The following SGCD variants were observed in gnomAD, a reference collection of about 807,000 sequenced individuals.
SGCD encodes the protein delta-sarcoglycan.
SGCD carries 18 observed loss-of-function variants against 36.6 expected under a neutral mutation model. The observed-to-expected ratio is 0.49, with a 90% CI of 0.34 to 0.73. The LOEUF (loss-of-function observed/expected upper bound fraction) is 0.73, where lower values mean the gene tolerates loss of function less well. Among genes scored for constraint, SGCD ranks in the 30% least tolerant of loss-of-function variants. The probability of loss-of-function intolerance (pLI) is 0.01; values close to 1 mark genes in which losing one functional copy is unlikely to be tolerated. For missense variants in SGCD, 387 were observed against 346.7 expected, an observed-to-expected ratio of 1.12 and a Z score of -0.92; for synonymous variants, 133 against 130.6, an observed-to-expected ratio of 1.02 and a Z score of -0.12.
At chr5:155,844,153 T>A in the SGCD span, among the ~76,000 whole-genome samples, 2 of 152,262 alleles carry the variant, frequency 1.3e-5, no homozygotes, top group East Asian at 1.9e-4. Context: ...CTCACACTTA[T>A]CTGAAGTTTG....
chr5:156,229,300 A>ATATATAT (rs1477607808), intron 3 of SGCD, among the ~76,000 whole-genome samples: 18 of 126,088 alleles, frequency 1.4e-4, no homozygotes, highest in East Asian at 2.1e-4. Flanking sequence ...ATATATATAT[A>ATATATAT]AAATTAGTTC....
intron 4 of SGCD, among the ~76,000 whole-genome samples, chr5:156,557,272 T>C (rs1002716203): frequency 6.6e-6 from 1 of 152,182 alleles, no homozygotes; most frequent in African/African-American, 2.4e-5. Flanking sequence ...CTTCACAGAA[T>C]GTTTTCTTTC....
the SGCD span, among the ~76,000 whole-genome samples, chr5:155,763,187 A>G: frequency 6.6e-6 from 1 of 152,190 alleles, no homozygotes; most frequent in Non-Finnish European, 1.5e-5. Context: ...TGAAGACATG[A>G]TAGTACTGAA....
At chr5:156,436,111 G>A (rs965668529) in intron 3 of SGCD, among the ~76,000 whole-genome samples, 1 of 152,088 alleles carries the variant, frequency 6.6e-6, no homozygotes, top group Non-Finnish European at 1.5e-5. Context: ...GTCACTCACC[G>A]GGCCACAGTT....
intron 3 of SGCD, among the ~76,000 whole-genome samples, chr5:156,246,073 GA>G (rs1765430740): frequency 6.6e-6 from 1 of 152,078 alleles, no homozygotes; most frequent in Non-Finnish European, 1.5e-5. Context: ...TTTTCAACAT[GA>G]CAAATTTCTA....
At chr5:155,836,475 C>CT in the SGCD span, among the ~76,000 whole-genome samples, 1 of 138,522 alleles carries the variant, frequency 7.2e-6, no homozygotes, top group African/African-American at 2.8e-5. Context: ...TACCCACCCC[C>CT]GCCCCGCACT....
intron 3 of SGCD, among the ~76,000 whole-genome samples, chr5:156,171,466 A>G (rs757521397): frequency 6.6e-6 from 1 of 152,244 alleles, no homozygotes; most frequent in Non-Finnish European, 1.5e-5. Context: ...GACCTGGGTT[A>G]TACTAAATAT....
rs1275403631 is a variant in SGCD, at chr5:156,062,657, T to A, written c.-281-55221T>A. 7.9e-4 allele frequency among the ~76,000 whole-genome samples: 23 copies of A among 29,174 alleles called. 1 individual carries two copies. Among genetic ancestry groups the A allele is most frequent in the African/African-American group, 4.6e-3 (22 of 4,748 alleles). 19.1% of individuals were successfully genotyped at this position (29,174 alleles called of 152,430 possible). ...GTGTGAGATGATATCTCATAGTGGT[T>A]TTGATTTGCATTTCTCTGATGGCCA... On this transcript the variant is annotated intron_variant, in intron 1 of 9. Transcript: ENST00000517913.
rs1561699488 is a variant in SGCD at position 156,444,117 on chromosome 5, C to CT, written c.193-64484_193-64483insT. On this transcript the variant is annotated intron_variant, in intron 3 of 8. Coordinates refer to ENST00000337851, the MANE Select transcript of SGCD (RefSeq NM_000337.6). ...CTCTCTCTCTCTCTCTCTCTCTCTC[C>CT]CCTTCCCTCTCTCTCTCTCTCCTTC... Among the ~76,000 whole-genome samples the CT allele has an allele frequency of 1.0e-3, 42 of 41,456 alleles. 2 individuals carry two copies. The highest frequency in any genetic ancestry group is 5.3e-3 in the African/African-American group (34 of 6,382). The allele number at this position is 41,456 out of a possible 152,430, so 27.2% of individuals were successfully genotyped here.
intron 3 of SGCD, among the ~76,000 whole-genome samples, chr5:156,353,900 T>C (rs1769376100): frequency 6.6e-6 from 1 of 152,250 alleles, no homozygotes; most frequent in Non-Finnish European, 1.5e-5. Context: ...TTTGTGAGAA[T>C]GTAAAGCATC....
chr5:156,627,260 C>A (rs1762471678), intron 6 of SGCD, among the ~76,000 whole-genome samples: 1 of 152,076 alleles, frequency 6.6e-6, no homozygotes, highest in Non-Finnish European at 1.5e-5. Flanking sequence ...TTAGAAGGTT[C>A]AGAAAAATGA....
At chr5:155,868,360 C>CTTTTT (rs10532701), upstream of SGCD, among the ~76,000 whole-genome samples, 2 of 110,712 alleles carry the variant, frequency 1.8e-5, no homozygotes, top group Non-Finnish European at 3.6e-5. Context: ...CCCTTTTTTT[C>CTTTTT]TTTTTTTTTT....
intron 7 of SGCD, among the ~76,000 whole-genome samples, chr5:156,694,847 A>AT (rs1754245842): frequency 1.3e-5 from 2 of 152,100 alleles, no homozygotes; most frequent in South Asian, 4.2e-4. Flanking sequence ...ATCCACTTGG[A>AT]TTTAGCCTTT....
intron 3 of SGCD, among the ~76,000 whole-genome samples, chr5:156,177,089 C>G (rs531835893): frequency 6.6e-6 from 1 of 152,144 alleles, no homozygotes; most frequent in African/African-American, 2.4e-5. Flanking sequence ...GCAACCTCCG[C>G]CTCCTGGGTT....
At chr5:156,673,467 A>G (rs762679987) in intron 7 of SGCD, among the ~76,000 whole-genome samples, 45 of 152,336 alleles carry the variant, frequency 3.0e-4, no homozygotes, top group Non-Finnish European at 5.6e-4. Context: ...AGGAAGGCCA[A>G]GTCCTCTTTT....
At chr5:156,601,875 G>A (rs1233626959) in intron 6 of SGCD, among the ~76,000 whole-genome samples, 3 of 152,022 alleles carry the variant, frequency 2.0e-5, no homozygotes, top group African/African-American at 4.8e-5. Flanking sequence ...GTAGAGACGG[G>A]TTTCACCGTG....
intron 3 of SGCD, among the ~76,000 whole-genome samples, chr5:156,401,064 C>T (rs1049773938): frequency 2.0e-5 from 3 of 152,110 alleles, no homozygotes; most frequent in Non-Finnish European, 4.4e-5. Context: ...ATATTTCTTG[C>T]CCTCACGGAG....
At chr5:156,643,179 T>C (rs973045121) in intron 6 of SGCD, among the ~76,000 whole-genome samples, 1 of 151,912 alleles carries the variant, frequency 6.6e-6, no homozygotes, top group African/African-American at 2.4e-5. Flanking sequence ...ATTACAGGAA[T>C]GCACCACCAC....
intron 3 of SGCD, among the ~76,000 whole-genome samples, chr5:156,177,104 C>T (rs1402216393): frequency 6.6e-6 from 1 of 152,096 alleles, no homozygotes; most frequent in African/African-American, 2.4e-5. Flanking sequence ...TGGGTTCCAG[C>T]GATTCTTCTG....
Sources: allele counts gnomAD v4.1 joint callset (sites outside exome capture counted in the v4.1 genomes callset), GRCh38; gene constraint gnomAD v4.1.1; transcripts MANE v1.5; gene names NCBI Gene and HGNC (gene_info 2026-07-23, HGNC 2026-07-21).